CABP4: variants seen among roughly 807,000 people sequenced by gnomAD.
CABP4 encodes calcium-binding protein 4.
Under a neutral mutation model 30.7 loss-of-function variants are expected in CABP4, and 30 were observed. The ratio of observed to expected loss-of-function variants is 0.98; its 90% CI spans 0.73 to 1.33. The LOEUF is 1.33. Among genes scored for constraint, CABP4 ranks in the 40% most tolerant of loss-of-function variants. The pLI is 0.00. For missense variants in CABP4, 424 were observed against 395.5 expected (o/e 1.07, Z -0.61); for synonymous variants, 161 against 159.2 (o/e 1.01, Z -0.08).
chr11:67,461,661 G>GC lies in CABP4; in HGVS notation c.*3003dup. The GC allele has an allele frequency of 6.6e-6, 1 of 152,300 alleles. No individual in the cohort carries two copies. The highest frequency in any genetic ancestry group is 6.5e-5 in the Admixed American group (1 of 15,290). The allele number at this position is 152,300 out of a possible 1,614,324, so 9.4% of individuals were successfully genotyped here. On this transcript the variant is annotated 3_prime_UTR_variant, in exon 6 of 6. Coordinates refer to ENST00000325656, the MANE Select transcript of CABP4 (RefSeq NM_145200.5). The stretch of plus-strand genomic sequence containing the variant: ...TTTGGTCTCTGTTGCAGCTGCTCAC[G>GC]CAACTCTGCTGTTGAAGTTTGTAGT...
chr11:67,457,685 G>A lies in CABP4; in HGVS notation c.651+3G>A. The A allele has an allele frequency of 6.4e-7, 1 of 1,574,760 alleles. No individual in the cohort carries two copies. Reference sequence around the variant, plus strand: ...AGCTGCGCATCGCCTTCCGAGAGGTGCGGAGTGTGGTGAGGTGGGCAGAGG... The same window carrying A: ...AGCTGCGCATCGCCTTCCGAGAGGTACGGAGTGTGGTGAGGTGGGCAGAGG... On this transcript the variant is annotated splice_donor_region_variant and intron_variant, in intron 4 of 5. Transcript: ENST00000325656.
upstream of CABP4, among the ~76,000 whole-genome samples, chr11:67,453,836 A>C (rs898952528): frequency 2.0e-5 from 3 of 151,784 alleles, no homozygotes; most frequent in African/African-American, 7.3e-5. Flanking sequence ...CTGGGGTTCG[A>C]GTGTTTAGGA....
At chr11:67,452,975 A>ACC, upstream of CABP4, 2 of 417,694 alleles carry the variant, frequency 4.8e-6, no homozygotes, top group Non-Finnish European at 4.2e-6. Context: ...TGAAGGTAGG[A>ACC]AGGGAGGTGC....
At chr11:67,457,188 C>A (rs1247582893) in intron 3 of CABP4, among the ~76,000 whole-genome samples, 1 of 152,162 alleles carries the variant, frequency 6.6e-6, no homozygotes, top group Non-Finnish European at 1.5e-5. Context: ...TTGCTGCCCA[C>A]TGGGCTCCAG....
At chr11:67,454,133 C>T (rs776437841), upstream of CABP4, among the ~76,000 whole-genome samples, 31 of 152,142 alleles carry the variant, frequency 2.0e-4, no homozygotes, top group Non-Finnish European at 1.0e-4. Context: ...GGGAGGGGCT[C>T]TGCAGTGGGA....
rs1865018860 is a variant in CABP4 at position 67,461,647 on chromosome 11, T to C, written c.*2988T>C. The C allele has an allele frequency of 1.3e-5, 2 of 152,232 alleles. No individual in the cohort carries two copies. The highest frequency in any genetic ancestry group is 4.8e-5 in the African/African-American group (2 of 41,466). 9.4% of individuals were successfully genotyped at this position (152,232 alleles called of 1,614,324 possible). On this transcript the variant is annotated 3_prime_UTR_variant, in exon 6 of 6. Coordinates refer to ENST00000325656, the MANE Select transcript of CABP4 (RefSeq NM_145200.5). ...TTCAGCTTTGAGGCTTTGGTCTCTG[T>C]TGCAGCTGCTCACGCAACTCTGCTG... is the stretch of plus-strand genomic sequence containing the variant.
chr11:67,461,540 T>C lies in CABP4; in HGVS notation c.*2881T>C, dbSNP rs553567809. On this transcript the variant is annotated 3_prime_UTR_variant, in exon 6 of 6. Transcript: ENST00000325656. ...TCTTATAAATAACTGGAGAGAAAAG[T>C]CAGATTCACGGTGTTCTGTCAAAGT... Among the ~76,000 whole-genome samples, 3 of 152,168 alleles carry C rather than the reference T, an allele frequency of 2.0e-5. No individual in the cohort carries two copies. The highest frequency in any genetic ancestry group is 4.4e-5 in the Non-Finnish European group (3 of 68,042).
upstream of CABP4, chr11:67,452,446 A>G (rs1172828716): frequency 1.9e-6 from 3 of 1,612,560 alleles, no homozygotes; most frequent in African/African-American, 4.0e-5. Context: ...AGTGTCCCCC[A>G]TGCCGGATCT....
chr11:67,455,720 T>C lies in CABP4; in HGVS notation c.297T>C (p.His99=), dbSNP rs764179715. The C allele has an allele frequency of 6.2e-7, 1 of 1,607,772 alleles. No individual in the cohort carries two copies. Among genetic ancestry groups the C allele is most frequent in the Non-Finnish European group, 8.5e-7 (1 of 1,178,234 alleles). ...CCTCTTCTCGCCAGTCCCACCGACA[T>C]CGTCCTGACTCCCTGCACGACGCTG... ...GPASSRQSHR[H]RPDSLHDAAQ... The change falls in exon 1 of 6, where the codon CAT becomes CAC. Residue 99 remains histidine, a synonymous_variant. Transcript: ENST00000325656.
intron 4 of CABP4, among the ~76,000 whole-genome samples, chr11:67,457,903 G>A (rs1864877733): frequency 1.3e-5 from 2 of 152,190 alleles, no homozygotes; most frequent in African/African-American, 4.8e-5. Context: ...GGGAGGGTGT[G>A]GAAGGTGTGC....
At chr11:67,458,130 G>A (rs1368575008) in intron 4 of CABP4, among the ~76,000 whole-genome samples, 2 of 152,114 alleles carry the variant, frequency 1.3e-5, no homozygotes, top group Non-Finnish European at 2.9e-5. Context: ...GTTGTGGTGG[G>A]CACCTGTAAT....
rs757094726 is a variant in CABP4, at chr11:67,456,116, G to T, written c.367-72G>T. On this transcript the variant is annotated intron_variant, in intron 1 of 5. Transcript: ENST00000325656. ...CTGGGCCCTGCCCAGGCCAACATGA[G>T]CAGGGGATGAAGGAGGAAGGATGAC... is the stretch of plus-strand genomic sequence containing the variant. The T allele has an allele frequency of 6.8e-6, 11 of 1,612,640 alleles. No individual in the cohort carries two copies. The East Asian group carries it at 2.0e-4, about 29-fold the overall frequency.
chr11:67,456,032 G>A, intron 1 of CABP4, 156 bp from the exon 2 acceptor site: 1 of 1,404,578 alleles, frequency 7.1e-7, no homozygotes, highest in East Asian at 2.4e-5. Context: ...AGCACAAAAG[G>A]GAGCTTGCTC....
chr11:67,458,522 A>G lies in CABP4; in HGVS notation c.799+4A>G. ...GATGGCACCGTAGACTTTGACGGTG[A>G]GTCTCCTTCCCGGAAAACCCTCCCG... On this transcript the variant is annotated splice_donor_region_variant and intron_variant, in intron 5 of 5. Coordinates refer to ENST00000325656, the MANE Select transcript of CABP4 (RefSeq NM_145200.5). 6.2e-7 allele frequency: 1 copy of G among 1,614,020 alleles called. No homozygotes were observed. Among genetic ancestry groups the G allele is most frequent in the African/African-American group, 1.3e-5 (1 of 74,994 alleles).
chr11:67,457,997 GC>G (rs1474456529), intron 4 of CABP4, among the ~76,000 whole-genome samples: 2 of 152,188 alleles, frequency 1.3e-5, no homozygotes, highest in African/African-American at 4.8e-5. Flanking sequence ...GGTGGCTCAC[GC>G]CTGCAATCCC....
At chr11:67,452,802 A>G (rs373042252), upstream of CABP4, 5 of 1,168,122 alleles carry the variant, frequency 4.3e-6, no homozygotes, top group African/African-American at 4.7e-5. Context: ...CGAGTATGGG[A>G]GAGACGGTGC....
chr11:67,452,502 G>GGGCCA, upstream of CABP4: 1 of 1,610,604 alleles, frequency 6.2e-7, no homozygotes, highest in South Asian at 1.1e-5. Context: ...AAGTCAGAGA[G>GGGCCA]GGCCAGGCTG....
chr11:67,457,701 TGGGCAGAGGG>T lies in CABP4; in HGVS notation c.651+26_651+35del, dbSNP rs781141438. The T allele has an allele frequency of 1.3e-6, 2 of 1,555,222 alleles. No individual in the cohort carries two copies. Among genetic ancestry groups the T allele is most frequent in the South Asian group, 1.2e-5 (1 of 84,798 alleles). On this transcript the variant is annotated intron_variant, in intron 4 of 5. Coordinates refer to ENST00000325656, the MANE Select transcript of CABP4 (RefSeq NM_145200.5). Reference sequence around the variant, plus strand: ...CCGAGAGGTGCGGAGTGTGGTGAGGTGGGCAGAGGGGGGCAGGGCTGGGTGGCATCCTTGC... The same window carrying T: ...CCGAGAGGTGCGGAGTGTGGTGAGGTGGGCAGGGCTGGGTGGCATCCTTGC...
At chr11:67,452,732 C>T (rs1284284700), upstream of CABP4, 2 of 1,544,024 alleles carry the variant, frequency 1.3e-6, no homozygotes, top group Non-Finnish European at 1.7e-6. Context: ...CATTTGGGGT[C>T]CCCAGAGTCC....
Sources: gnomAD v4.1 joint callset for allele counts (sites outside exome capture counted in the v4.1 genomes callset) on GRCh38, gnomAD v4.1.1 for gene constraint, MANE v1.5 for transcripts, NCBI Gene and HGNC (gene_info 2026-07-23, HGNC 2026-07-21) for gene names.